ZEB2: variants seen among roughly 807,000 people sequenced by gnomAD.
ZEB2 encodes zinc finger E-box-binding homeobox 2.
A neutral mutation model predicts 99.9 loss-of-function variants in ZEB2; 6 were observed. The ratio of observed to expected loss-of-function variants is 0.06; its 90% CI spans 0.03 to 0.12. The LOEUF (loss-of-function observed/expected upper bound fraction) is 0.12. ZEB2 is among the 10% of genes least tolerant of loss of function. The pLI is 1.00. For missense variants in ZEB2, 969 were observed against 1,502.8 expected, an observed-to-expected ratio of 0.64 and a Z score of 5.87; for synonymous variants, 517 against 542.5, an observed-to-expected ratio of 0.95 and a Z score of 0.65.
At chr2:144,485,424 G>C (rs1177193240) in intron 2 of ZEB2, among the ~76,000 whole-genome samples, 1 of 152,092 alleles carries the variant, frequency 6.6e-6, no homozygotes, top group African/African-American at 2.4e-5. Context: ...AAAATCTGCA[G>C]GGATTCTTTT....
At chr2:144,435,496 G>A (rs1465623362) in intron 2 of ZEB2, among the ~76,000 whole-genome samples, 1 of 151,744 alleles carries the variant, frequency 6.6e-6, no homozygotes, top group Non-Finnish European at 1.5e-5. Flanking sequence ...TCACTCAGGA[G>A]GTTGAGGTAG....
intron 5 of ZEB2, 21 bp downstream of exon 5, chr2:144,404,815 A>G (rs1162399079): frequency 6.2e-7 from 1 of 1,612,152 alleles, no homozygotes; most frequent in Non-Finnish European, 8.5e-7. Context: ...TGCAGTGGCT[A>G]AAAATGATTT....
rs986697618 is a variant in ZEB2, at chr2:144,490,032, T to C, written c.73+27246A>G. 3.3e-5 allele frequency among the ~76,000 whole-genome samples: 5 copies of C among 152,320 alleles called. No homozygotes were observed. The South Asian group carries it at 1.0e-3, about 32-fold the overall frequency. On this transcript the variant is annotated intron_variant, in intron 2 of 9. Coordinates refer to ENST00000627532, the MANE Select transcript of ZEB2 (RefSeq NM_014795.4). ...GTATTCATTCTGACTCTCTTTATTA[T>C]TTGGGGGAATTACTAAAATTACCCT...
chr2:144,499,579 G>A (rs1360623343), intron 2 of ZEB2, among the ~76,000 whole-genome samples: 1 of 152,170 alleles, frequency 6.6e-6, no homozygotes, highest in Non-Finnish European at 1.5e-5. Context: ...GATGTTTCTA[G>A]ATGGAATAAC....
intron 2 of ZEB2, among the ~76,000 whole-genome samples, chr2:144,471,096 C>A (rs987770784): frequency 6.6e-6 from 1 of 152,112 alleles, no homozygotes; most frequent in African/African-American, 2.4e-5. Flanking sequence ...TAATATGTTT[C>A]ACTTGCTATG....
rs940639187 is a variant in ZEB2 at position 144,500,620 on chromosome 2, T to C, written c.73+16658A>G. ...TGAAGTATGTTTTCCTTGAGCATAC[T>C]AGTATCAGTTGGGGCTGATGAAATG... On this transcript the variant is annotated intron_variant, in intron 2 of 9. Transcript: ENST00000627532. 2.0e-5 allele frequency among the ~76,000 whole-genome samples: 3 copies of C among 152,194 alleles called. No individual in the cohort carries two copies. The East Asian group carries it at 5.8e-4, about 29-fold the overall frequency.
At chr2:144,487,507 G>T (rs973907515) in intron 2 of ZEB2, among the ~76,000 whole-genome samples, 2 of 152,086 alleles carry the variant, frequency 1.3e-5, no homozygotes, top group Non-Finnish European at 2.9e-5. Context: ...GAAAGGTAAA[G>T]AAATTGATTT....
At chr2:144,420,857 C>T (rs1473935345) in intron 4 of ZEB2, among the ~76,000 whole-genome samples, 2 of 152,054 alleles carry the variant, frequency 1.3e-5, no homozygotes, top group African/African-American at 4.8e-5. Context: ...AAGAATGGAG[C>T]GCCATTGGTA....
rs1703067447 is a variant in ZEB2, at chr2:144,385,362, TAAA to T, written c.*4086_*4088del. ...GGGAGCCATAACCTCAGCTGCCCTATAAAATCTATAATAAGGTGGTTTTCATAT... is the reference window on the plus strand; with the variant it reads ...GGGAGCCATAACCTCAGCTGCCCTATATCTATAATAAGGTGGTTTTCATAT... On this transcript the variant is annotated 3_prime_UTR_variant, in exon 10 of 10. Coordinates refer to ENST00000627532, the MANE Select transcript of ZEB2 (RefSeq NM_014795.4). 2 of 152,192 alleles carry T rather than the reference TAAA, an allele frequency of 1.3e-5. No individual in the cohort carries two copies. The highest frequency in any genetic ancestry group is 2.1e-4 in the South Asian group (1 of 4,830). The allele number at this position is 152,192 out of a possible 1,614,324, so 9.4% of individuals were successfully genotyped here. A position where few individuals can be genotyped will look rare whatever the true frequency, so the allele number is the denominator to read the frequency against.
chr2:144,439,997 A>AT (rs888588630), intron 2 of ZEB2, among the ~76,000 whole-genome samples: 2 of 152,098 alleles, frequency 1.3e-5, no homozygotes, highest in East Asian at 1.9e-4. Context: ...AACTTTATTA[A>AT]TTTTTTTTCT....
At chr2:144,403,468 C>G (rs1216502031) in intron 6 of ZEB2, among the ~76,000 whole-genome samples, 1 of 151,934 alleles carries the variant, frequency 6.6e-6, no homozygotes, top group Non-Finnish European at 1.5e-5. Context: ...TAAAAATACT[C>G]TAAGTAATTG....
Position 144,384,595 on chromosome 2 carries a change from GA to G in ZEB2, c.*4855del, listed in dbSNP as rs1703056400. On this transcript the variant is annotated 3_prime_UTR_variant, in exon 10 of 10. Coordinates refer to ENST00000627532, the MANE Select transcript of ZEB2 (RefSeq NM_014795.4). Reference sequence around the variant, plus strand: ...TTTAGTATTGACATTTTTATTTTGGGAAAGGAGGTCTTTTTTTTTTTTAACA... The same window carrying G: ...TTTAGTATTGACATTTTTATTTTGGGAAGGAGGTCTTTTTTTTTTTTAACA... 6.7e-6 allele frequency: 1 copy of G among 148,758 alleles called. No homozygotes were observed. The highest frequency in any genetic ancestry group is 2.2e-4 in the South Asian group (1 of 4,520). 9.2% of individuals were successfully genotyped at this position (148,758 alleles called of 1,614,324 possible).
In ZEB2 at chr2:144,388,315, C is replaced by T. The variant is rs1703110072; in HGVS notation, c.*1136G>A. 1 of 152,506 alleles carries T rather than the reference C, an allele frequency of 6.6e-6. No homozygotes were observed. The highest frequency in any genetic ancestry group is 1.5e-5 in the Non-Finnish European group (1 of 68,000). The allele number at this position is 152,506 out of a possible 1,614,324, so 9.4% of individuals were successfully genotyped here. On this transcript the variant is annotated 3_prime_UTR_variant, in exon 10 of 10. Transcript: ENST00000627532. The surrounding 1 kb of genome is among the most constrained non-coding windows in gnomAD (Gnocchi z 5.4). ...AAAATCCCATCTCACAATTAATGTT[C>T]CAAAACACAATAAATGCTCTTCTCT...
chr2:144,419,050 G>A (rs780727038), intron 4 of ZEB2, among the ~76,000 whole-genome samples: 1 of 152,086 alleles, frequency 6.6e-6, no homozygotes, highest in African/African-American at 2.4e-5. Context: ...CTACAGCGAG[G>A]CCTTGTACAT....
At chr2:144,492,895 A>G (rs751210880) in intron 2 of ZEB2, among the ~76,000 whole-genome samples, 1 of 152,246 alleles carries the variant, frequency 6.6e-6, no homozygotes, top group Non-Finnish European at 1.5e-5. Flanking sequence ...TGCTTTAACG[A>G]AACAATTTTT....
At chr2:144,464,773 A>G (rs1704248412) in intron 2 of ZEB2, among the ~76,000 whole-genome samples, 1 of 152,186 alleles carries the variant, frequency 6.6e-6, no homozygotes, top group Admixed American at 6.5e-5. Context: ...TTTGATATTG[A>G]AAGATTAAAA....
intron 2 of ZEB2, among the ~76,000 whole-genome samples, chr2:144,498,448 A>C (rs1704821185): frequency 6.6e-6 from 1 of 151,752 alleles, no homozygotes; most frequent in African/African-American, 2.4e-5. Flanking sequence ...CCTGAAGGAA[A>C]TCCAGGAAGC....
chr2:144,398,351 A>G lies in ZEB2; in HGVS notation c.2836T>C (p.Phe946Leu). The G allele has an allele frequency of 6.2e-7, 1 of 1,614,042 alleles. No individual in the cohort carries two copies. Among genetic ancestry groups the G allele is most frequent in the South Asian group, 1.1e-5 (1 of 91,058 alleles). The stretch of plus-strand genomic sequence containing the variant: ...TTTCTCCTTTGCTGCATATCAGCAA[A>G]AGTAGCTGCTCCAGTTGGGTAGGTG... Reference protein sequence around the residue: ...AYTYPTGAATFADMQQRRKYQ... With the variant: ...AYTYPTGAATLADMQQRRKYQ... The change falls in exon 8 of 10, where the codon TTT becomes CTT. Residue 946 changes from phenylalanine (F) to leucine (L), a missense_variant. Physicochemically the swap from Phe to Leu is conservative, Grantham distance 22. Transcript: ENST00000627532.
chr2:144,513,493 A>T, intron 2 of ZEB2: 3 of 1,521,334 alleles, frequency 2.0e-6, no homozygotes, highest in Non-Finnish European at 1.8e-6. Flanking sequence ...CTCCTAATTC[A>T]GTTTTTCTTT....
Sources: gnomAD v4.1 joint callset for allele counts (sites outside exome capture counted in the v4.1 genomes callset) on GRCh38, gnomAD v4.1.1 for gene constraint, Gnocchi (gnomAD v3.1) non-coding constraint, MANE v1.5 for transcripts, NCBI Gene and HGNC (gene_info 2026-07-23, HGNC 2026-07-21) for gene names.